NBEA: variants seen among roughly 807,000 people sequenced by gnomAD.
NBEA encodes neurobeachin.
In NBEA, 44 loss-of-function variants were observed where a neutral mutation model predicts 343.4. The observed-to-expected ratio is 0.13, with a 90% CI of 0.10 to 0.16. The LOEUF (loss-of-function observed/expected upper bound fraction) is 0.16. Ranked by LOEUF, NBEA falls within the 10% of genes least tolerant of loss-of-function variation. NBEA has a pLI of 1.00. For synonymous variants in NBEA, 1,175 were observed against 1,238.7 expected (o/e 0.95, Z 1.08); for missense variants, 2,555 against 3,631.3 (o/e 0.70, Z 7.62).
At chr13:35,247,498 A>G (rs974224212) in intron 34 of NBEA, among the ~76,000 whole-genome samples, 1 of 151,940 alleles carries the variant, frequency 6.6e-6, no homozygotes, top group African/African-American at 2.4e-5. Flanking sequence ...TTGGCTCTCT[A>G]AATTGTCTCA....
rs1392497774 is a variant in NBEA at position 35,264,618 on chromosome 13, C to T, written c.5777-25771C>T. On this transcript the variant is annotated intron_variant, in intron 34 of 58. Coordinates refer to ENST00000379939, the MANE Select transcript of NBEA (RefSeq NM_001385012.1). ...ATACATTAATCAATAAATGGTGATACATCACAATAACAGATTGAAAGACAA... is the reference window on the plus strand; with the variant it reads ...ATACATTAATCAATAAATGGTGATATATCACAATAACAGATTGAAAGACAA... 2.6e-5 allele frequency among the ~76,000 whole-genome samples: 4 copies of T among 151,754 alleles called. No homozygotes were observed. The East Asian group carries it at 7.7e-4, about 29-fold the overall frequency.
At chr13:35,615,109 C>A (rs1475935344) in intron 48 of NBEA, among the ~76,000 whole-genome samples, 5 of 144,290 alleles carry the variant, frequency 3.5e-5, no homozygotes, top group African/African-American at 5.2e-5. Flanking sequence ...CATGTTGAAA[C>A]CCCATCTCTA....
intron 6 of NBEA, among the ~76,000 whole-genome samples, chr13:35,051,719 G>A (rs2063071555): frequency 6.6e-6 from 1 of 151,920 alleles, no homozygotes. Context: ...GAATTAAGGT[G>A]AGACCAAGAT....
intron 55 of NBEA, 70 bp from the exon 56 acceptor site, chr13:35,665,015 T>C (rs1207872934): frequency 9.8e-7 from 1 of 1,024,794 alleles, no homozygotes; most frequent in South Asian, 1.4e-5. Flanking sequence ...TTTTGAATAT[T>C]GCATTGCTGG....
chr13:35,436,199 G>GTTAAACATTTAAATGTGTTTAA (rs1380927127), intron 39 of NBEA, among the ~76,000 whole-genome samples: 7 of 152,064 alleles, frequency 4.6e-5, no homozygotes, highest in Non-Finnish European at 1.0e-4. Context: ...TCCATCTGCC[G>GTTAAACATTTAAATGTGTTTAA]TTAAACATTT....
At chr13:35,230,465 A>G (rs1048434476) in intron 33 of NBEA, among the ~76,000 whole-genome samples, 2 of 152,118 alleles carry the variant, frequency 1.3e-5, no homozygotes, top group Admixed American at 1.3e-4. Flanking sequence ...ACTCTCACTT[A>G]TTAATCTTAA....
At chr13:35,495,650 C>A (rs535504815) in intron 41 of NBEA, among the ~76,000 whole-genome samples, 1 of 152,080 alleles carries the variant, frequency 6.6e-6, no homozygotes, top group Non-Finnish European at 1.5e-5. Flanking sequence ...TCAAACAACA[C>A]TATAAACCAA....
intron 45 of NBEA, among the ~76,000 whole-genome samples, chr13:35,581,812 A>C (rs1045289764): frequency 6.6e-6 from 1 of 150,532 alleles, no homozygotes; most frequent in African/African-American, 2.4e-5. Context: ...GCAGCGCACC[A>C]GCATGGCACA....
chr13:35,447,709 T>C (rs1029134505), intron 39 of NBEA, among the ~76,000 whole-genome samples: 1 of 152,156 alleles, frequency 6.6e-6, no homozygotes, highest in Admixed American at 6.5e-5. Flanking sequence ...TTACACATAA[T>C]ATACATTTTC....
At chr13:35,235,190 T>C (rs2075167043) in intron 34 of NBEA, among the ~76,000 whole-genome samples, 1 of 152,152 alleles carries the variant, frequency 6.6e-6, no homozygotes, top group Non-Finnish European at 1.5e-5. Context: ...CTTTTTTTGC[T>C]TTTAATTCTT....
chr13:35,128,417 G>C (rs1290392278), intron 17 of NBEA, among the ~76,000 whole-genome samples: 1 of 152,020 alleles, frequency 6.6e-6, no homozygotes, highest in Non-Finnish European at 1.5e-5. Context: ...ACTTCAGAAC[G>C]AACTTTAATT....
intron 38 of NBEA, among the ~76,000 whole-genome samples, chr13:35,370,182 A>G (rs543948183): frequency 4.6e-5 from 7 of 152,050 alleles, no homozygotes; most frequent in Admixed American, 4.6e-4. Flanking sequence ...AGATAGAATA[A>G]TTTAATAATA....
chr13:35,431,727 T>C (rs2045127236), intron 38 of NBEA, among the ~76,000 whole-genome samples: 1 of 152,194 alleles, frequency 6.6e-6, no homozygotes, highest in South Asian at 2.1e-4. Flanking sequence ...CAGGTTGCTG[T>C]GGGCAGCGGG....
Position 35,654,924 on chromosome 13 carries a change from A to G in NBEA, c.8105A>G (p.His2702Arg), listed in dbSNP as rs1334439770. ...LVDQSIQINA[H>R]CFVVTADNRY... ...GACCAGAGTATACAAATCAATGCAC[A>G]TTGTTTTGTGGTAACAGCAGATAAT... The change falls in exon 54 of 59, where the codon CAT becomes CGT. Residue 2702 changes from histidine to arginine, a missense_variant. Physicochemically the swap from His to Arg is conservative, Grantham distance 29 (BLOSUM62 0). Coordinates refer to ENST00000379939, the MANE Select transcript of NBEA (RefSeq NM_001385012.1). 5 of 1,590,956 alleles carry G rather than the reference A, an allele frequency of 3.1e-6. No homozygotes were observed. The highest frequency in any genetic ancestry group is 2.3e-5 in the East Asian group (1 of 43,264).
At chr13:35,350,282 A>C (rs1423071778) in intron 37 of NBEA, among the ~76,000 whole-genome samples, 1 of 152,158 alleles carries the variant, frequency 6.6e-6, no homozygotes, top group African/African-American at 2.4e-5. Flanking sequence ...TGTTTAACCA[A>C]GGTGACATTA....
At chr13:35,651,919 T>TGAAA in intron 53 of NBEA, 43 bp downstream of exon 53, 14 of 1,016,856 alleles carry the variant, frequency 1.4e-5, no homozygotes, top group Non-Finnish European at 1.9e-5. Flanking sequence ...ATACTATCCA[T>TGAAA]ATATTCATAT....
intron 24 of NBEA, among the ~76,000 whole-genome samples, chr13:35,167,092 G>A (rs2070095707): frequency 6.6e-6 from 1 of 151,944 alleles, no homozygotes; most frequent in African/African-American, 2.4e-5. Flanking sequence ...TGAAGAAATA[G>A]GAATAATAAT....
intron 41 of NBEA, among the ~76,000 whole-genome samples, chr13:35,515,023 A>G (rs1290927525): frequency 6.6e-6 from 1 of 152,234 alleles, no homozygotes; most frequent in Non-Finnish European, 1.5e-5. Flanking sequence ...GATGTCACTG[A>G]CAATAATCTT....
chr13:35,550,139 G>A (rs2079246686), intron 41 of NBEA, among the ~76,000 whole-genome samples: 2 of 152,268 alleles, frequency 1.3e-5, no homozygotes, highest in South Asian at 4.1e-4. Context: ...GCAAGGAAGG[G>A]GAGAAAGGAT....
Sources: gnomAD v4.1 joint callset for allele counts (sites outside exome capture counted in the v4.1 genomes callset) on GRCh38, gnomAD v4.1.1 for gene constraint, MANE v1.5 for transcripts, NCBI Gene and HGNC (gene_info 2026-07-23, HGNC 2026-07-21) for gene names.